The following MYZAP variants were observed in gnomAD, a reference collection of about 807,000 sequenced individuals.
The protein encoded by MYZAP is myocardial zonula adherens protein.
In MYZAP, 66 loss-of-function variants were observed where a neutral mutation model predicts 69.4. The observed-to-expected ratio is 0.95, with a 90% CI of 0.78 to 1.17. The LOEUF is 1.17. Among genes scored for constraint, MYZAP ranks in the 50% most tolerant of loss-of-function variants. MYZAP has a pLI of 0.00. For missense variants in MYZAP, 611 were observed against 556.2 expected (o/e 1.10, Z -0.99); for synonymous variants, 256 against 205.9 (o/e 1.24, Z -2.09).
At chr15:57,627,349 CAGAA>C (rs2036199469) in intron 5 of MYZAP, among the ~76,000 whole-genome samples, 2 of 125,852 alleles carry the variant, frequency 1.6e-5, no homozygotes, top group Non-Finnish European at 3.1e-5. Context: ...CTGAGAGAAA[CAGAA>C]AGAGAGAGAC....
intron 10 of MYZAP, among the ~76,000 whole-genome samples, chr15:57,653,424 T>C (rs1219285765): frequency 3.3e-5 from 5 of 151,970 alleles, no homozygotes; most frequent in African/African-American, 1.2e-4. Context: ...TCATTTAAAA[T>C]GAAAACAAAA....
At chr15:57,612,973 C>G (rs2035204031) in intron 2 of MYZAP, among the ~76,000 whole-genome samples, 1 of 152,130 alleles carries the variant, frequency 6.6e-6, no homozygotes, top group Non-Finnish European at 1.5e-5. Flanking sequence ...GCTCTGTCGC[C>G]CAGGCTGGAG....
intron 11 of MYZAP, 100 bp downstream of exon 11, chr15:57,661,633 C>A (rs999335037): frequency 9.4e-7 from 1 of 1,062,928 alleles, no homozygotes; most frequent in Non-Finnish European, 1.3e-6. Context: ...GGCTATTTCC[C>A]GGCCTTATAA....
intron 2 of MYZAP, 135 bp downstream of exon 2, chr15:57,604,490 TC>T: frequency 1.2e-6 from 1 of 837,238 alleles, no homozygotes; most frequent in Non-Finnish European, 1.8e-6. Context: ...CTCTCAACCT[TC>T]CCACCTCATC....
chr15:57,607,371 G>A (rs2034820301), intron 2 of MYZAP, among the ~76,000 whole-genome samples: 1 of 152,142 alleles, frequency 6.6e-6, no homozygotes, highest in South Asian at 2.1e-4. Context: ...CGTGTGTTTA[G>A]CTGTGTCAAC....
chr15:57,638,761 A>G (rs1351962238), intron 9 of MYZAP, among the ~76,000 whole-genome samples: 1 of 152,210 alleles, frequency 6.6e-6, no homozygotes, highest in African/African-American at 2.4e-5. Flanking sequence ...ACATTTGCCA[A>G]AAATAAAGGA....
At position 57,674,948 on chromosome 15, in the gene MYZAP, C is replaced by A; in HGVS notation, c.1204-20C>A. 1 of 1,600,156 alleles carries A rather than the reference C, an allele frequency of 6.2e-7. No homozygotes were observed. The highest frequency in any genetic ancestry group is 1.7e-4 in the Middle Eastern group (1 of 6,004). ...GAACATATTTGACTTACTGAAAGTA[C>A]CTTTTTTTCTCATCTCCAGAATAAT... On this transcript the variant is annotated intron_variant, in intron 11 of 12. Coordinates refer to ENST00000267853, the MANE Select transcript of MYZAP (RefSeq NM_001018100.5).
At chr15:57,683,792 G>A (rs1014057111) in intron 12 of MYZAP, among the ~76,000 whole-genome samples, 11 of 151,824 alleles carry the variant, frequency 7.2e-5, no homozygotes, top group Admixed American at 2.0e-4. Flanking sequence ...AATATTTCTG[G>A]GGCCTCTCTT....
chr15:57,622,417 T>G lies in MYZAP; in HGVS notation c.411+717T>G, dbSNP rs141117688. Among the ~76,000 whole-genome samples, 1,043 of 152,238 alleles carry G rather than the reference T, an allele frequency of 6.9e-3. 15 individuals carry two copies. Among genetic ancestry groups the G allele is most frequent in the African/African-American group, 0.024 (988 of 41,556 alleles). On this transcript the variant is annotated intron_variant, in intron 4 of 12. Coordinates refer to ENST00000267853, the MANE Select transcript of MYZAP (RefSeq NM_001018100.5). The stretch of plus-strand genomic sequence containing the variant: ...GTTTTTTATAAGTGGAGTAGGTGAT[T>G]CTAAGGTTTATATAGAAAATAAATA...
intron 4 of MYZAP, 45 bp from the exon 5 acceptor site, chr15:57,625,734 C>T (rs980901079): frequency 1.1e-5 from 18 of 1,570,264 alleles, no homozygotes; most frequent in Admixed American, 3.3e-5. Context: ...TTGTCGTGAA[C>T]GTGTAGGGAT....
At chr15:57,610,127 T>C (rs1467325619) in intron 2 of MYZAP, among the ~76,000 whole-genome samples, 2 of 152,222 alleles carry the variant, frequency 1.3e-5, no homozygotes, top group Non-Finnish European at 2.9e-5. Context: ...AAATAGCTAT[T>C]AACATCCCAG....
chr15:57,664,260 A>C (rs1225541587), intron 11 of MYZAP, among the ~76,000 whole-genome samples: 1 of 152,018 alleles, frequency 6.6e-6, no homozygotes, highest in Non-Finnish European at 1.5e-5. Flanking sequence ...GGGTCACAGG[A>C]CCCTCAGTGG....
chr15:57,682,367 T>G (rs1470590947), intron 12 of MYZAP, among the ~76,000 whole-genome samples: 4 of 152,190 alleles, frequency 2.6e-5, no homozygotes, highest in Non-Finnish European at 5.9e-5. Flanking sequence ...AGTTGAGTTG[T>G]GTGTCCAGGA....
intron 4 of MYZAP, 52 bp downstream of exon 4, chr15:57,621,752 G>A: frequency 1.9e-6 from 3 of 1,586,396 alleles, no homozygotes; most frequent in Non-Finnish European, 2.6e-6. Context: ...CAGGCTCAGA[G>A]TGGTCCCTCA....
intron 1 of MYZAP, among the ~76,000 whole-genome samples, chr15:57,595,933 G>C (rs2034028364): frequency 6.6e-6 from 1 of 152,196 alleles, no homozygotes; most frequent in Admixed American, 6.5e-5. Flanking sequence ...GCCTGACTGG[G>C]CTAAGTTGTG....
intron 10 of MYZAP, among the ~76,000 whole-genome samples, chr15:57,654,166 C>T (rs1227068734): frequency 6.6e-6 from 1 of 152,052 alleles, no homozygotes; most frequent in East Asian, 1.9e-4. Flanking sequence ...GCACTGGAGC[C>T]ACCTCAGCCT....
intron 12 of MYZAP, among the ~76,000 whole-genome samples, chr15:57,681,871 A>G (rs1265452350): frequency 1.3e-5 from 2 of 152,088 alleles, no homozygotes; most frequent in Non-Finnish European, 2.9e-5. Flanking sequence ...AATATGGAGA[A>G]TCTCCTGGGG....
intron 2 of MYZAP, among the ~76,000 whole-genome samples, chr15:57,608,439 T>A (rs2034896640): frequency 2.0e-5 from 3 of 152,236 alleles, no homozygotes; most frequent in Admixed American, 2.0e-4. Flanking sequence ...CACCTTCTTA[T>A]GGAGTCAAGG....
intron 10 of MYZAP, among the ~76,000 whole-genome samples, chr15:57,643,853 C>A (rs2037301155): frequency 6.6e-6 from 1 of 151,884 alleles, no homozygotes; most frequent in African/African-American, 2.4e-5. Flanking sequence ...ATGTTTCTTC[C>A]AACAGGGTCT....
Sources: allele counts gnomAD v4.1 joint callset (sites outside exome capture counted in the v4.1 genomes callset), GRCh38; gene constraint gnomAD v4.1.1; transcripts MANE v1.5; gene names NCBI Gene and HGNC (gene_info 2026-07-23, HGNC 2026-07-21).